HAPLN3: variants seen among roughly 807,000 people sequenced by gnomAD.
HAPLN3 encodes hyaluronan and proteoglycan link protein 3, also known as extracellular link domain containing, 1.
Under a neutral mutation model 28.1 loss-of-function variants are expected in HAPLN3, and 28 were observed. The ratio of observed to expected loss-of-function variants is 1.00; its 90% CI spans 0.74 to 1.37. The LOEUF (loss-of-function observed/expected upper bound fraction) is 1.37, where lower values mean the gene tolerates loss of function less well. Among genes scored for constraint, HAPLN3 ranks in the 40% most tolerant of loss-of-function variants. HAPLN3 has a pLI of 0.00. For missense variants in HAPLN3, 513 were observed against 504.6 expected, an observed-to-expected ratio of 1.02 and a Z score of -0.16; for synonymous variants, 211 against 213.1, an observed-to-expected ratio of 0.99 and a Z score of 0.09.
rs952589058 is a variant in HAPLN3, at chr15:88,880,066, G to A, written c.494-797C>T. 6 of 993,846 alleles carry A rather than the reference G, an allele frequency of 6.0e-6. No individual in the cohort carries two copies. Among genetic ancestry groups the A allele is most frequent in the Non-Finnish European group, 2.4e-6 (2 of 835,438 alleles). 61.6% of individuals were successfully genotyped at this position (993,846 alleles called of 1,614,324 possible). ...GCCCCAAACCTCCGATCTCACCAGG[G>A]CCGGAAGCCAGGCACCTGGGCAAAG... is the stretch of plus-strand genomic sequence containing the variant. On this transcript the variant is annotated intron_variant, in intron 3 of 4. Transcript: ENST00000359595. This position sits in a 1 kb window ranked among gnomAD's most constrained non-coding sequence, Gnocchi z 6.0.
rs766221292 is a variant in HAPLN3 at position 88,879,274 on chromosome 15, A to C, written c.494-5T>G. 6.2e-7 allele frequency: 1 copy of C among 1,605,672 alleles called. No homozygotes were observed. Among genetic ancestry groups the C allele is most frequent in the Non-Finnish European group, 8.5e-7 (1 of 1,176,088 alleles). On this transcript the variant is annotated splice_region_variant and splice_polypyrimidine_tract_variant and intron_variant, in intron 3 of 4. Transcript: ENST00000359595. The surrounding 1 kb of genome is among the most constrained non-coding windows in gnomAD (Gnocchi z 5.0). ...ACTGGTAAGGAAAGACCACACCTGC[A>C]GGGGAAGGAAAGAGGAGCTTAGGGG... is the stretch of plus-strand genomic sequence containing the variant.
chr15:88,879,339 C>T lies in HAPLN3; in HGVS notation c.494-70G>A. 6.3e-7 allele frequency: 1 copy of T among 1,594,436 alleles called. No homozygotes were observed. The highest frequency in any genetic ancestry group is 1.7e-5 in the Admixed American group (1 of 59,028). ...AGCTGGCTGGACACCCCGCTCTCCT[C>T]CCACCTTCACTGGGACATGTGCTGC... On this transcript the variant is annotated intron_variant, in intron 3 of 4. Coordinates refer to ENST00000359595, the MANE Select transcript of HAPLN3 (RefSeq NM_178232.4). The surrounding 1 kb of genome is among the most constrained non-coding windows in gnomAD (Gnocchi z 5.0).
rs1490228633 is a variant in HAPLN3 at position 88,879,240 on chromosome 15, C to A, written c.523G>T (p.Gly175Trp). Residue 175 changes from glycine to tryptophan, a missense_variant, in exon 4 of 5, where the codon GGG becomes TGG. By Grantham distance (184) the Gly-to-Trp change is radical. Coordinates refer to ENST00000359595, the MANE Select transcript of HAPLN3 (RefSeq NM_178232.4). This position sits in a 1 kb window ranked among gnomAD's most constrained non-coding sequence, Gnocchi z 5.0. ...GVVFPYQSPN[G>W]RYQFNFHEGQ... ...TCGTGGAAGTTGAACTGGTAGCGCC[C>A]GTTGGGGGACTGGTAAGGAAAGACC... The A allele has an allele frequency of 6.2e-7, 1 of 1,608,544 alleles. No individual in the cohort carries two copies. Among genetic ancestry groups the A allele is most frequent in the Admixed American group, 1.7e-5 (1 of 59,716 alleles).
Position 88,881,632 on chromosome 15 carries a change from C to A in HAPLN3, c.218G>T (p.Arg73Leu). 3 of 1,613,968 alleles carry A rather than the reference C, an allele frequency of 1.9e-6. No homozygotes were observed. The highest frequency in any genetic ancestry group is 1.7e-5 in the Admixed American group (1 of 60,018). ...GASVILPCRY[R>L]YEPALVSPRR... Reference sequence around the variant, plus strand: ...CGGGGAGACCAGGGCCGGCTCGTAGCGGTAGCGGCAGGGCAGGATCACACT... The same window carrying A: ...CGGGGAGACCAGGGCCGGCTCGTAGAGGTAGCGGCAGGGCAGGATCACACT... Residue 73 changes from arginine to leucine, a missense_variant, in exon 3 of 5, where the codon CGC (arginine) becomes CTC (leucine). Transcript: ENST00000359595. The surrounding 1 kb of genome is among the most constrained non-coding windows in gnomAD (Gnocchi z 6.0).
intron 2 of HAPLN3, among the ~76,000 whole-genome samples, chr15:88,883,004 C>T (rs1464233932): frequency 6.6e-6 from 1 of 151,830 alleles, no homozygotes; most frequent in African/African-American, 2.4e-5. Context: ...GACTCTGTTG[C>T]CAAAAACAAA....
chr15:88,884,790 G>A (rs1897800816), intron 2 of HAPLN3, among the ~76,000 whole-genome samples: 1 of 151,932 alleles, frequency 6.6e-6, no homozygotes, highest in Admixed American at 6.6e-5. Flanking sequence ...TTTAGAGGGA[G>A]GCAGAGGGAG....
intron 1 of HAPLN3, among the ~76,000 whole-genome samples, chr15:88,892,411 C>T (rs145009647): frequency 0.15 from 22,660 of 150,542 alleles, 2,109 homozygotes; most frequent in South Asian, 0.26. Flanking sequence ...GAGCCGAGAT[C>T]ACACCTTTGC....
In HAPLN3 at chr15:88,878,289, G is replaced by A. The variant is rs545921197; in HGVS notation, c.797-33C>T. ...AAAGGGGGCGTGAGTGCCGTACAGC[G>A]CAGGGGGCAGCCAGAGAGCACAGCG... On this transcript the variant is annotated intron_variant, in intron 4 of 4. Coordinates refer to ENST00000359595, the MANE Select transcript of HAPLN3 (RefSeq NM_178232.4). 1.9e-5 allele frequency: 30 copies of A among 1,572,788 alleles called. No individual in the cohort carries two copies. The East Asian group carries it at 2.0e-4, about 11-fold the overall frequency.
intron 2 of HAPLN3, among the ~76,000 whole-genome samples, chr15:88,884,072 CAAA>C (rs529486163): frequency 3.0e-5 from 3 of 100,488 alleles, no homozygotes; most frequent in Admixed American, 2.1e-4. Context: ...GACCCTGTCT[CAAA>C]AAAAAAAAAA....
rs1324869852 is a variant in HAPLN3, at chr15:88,877,440, T to C, written c.*530A>G. The C allele has an allele frequency of 1.3e-5, 2 of 153,116 alleles. No homozygotes were observed. The highest frequency in any genetic ancestry group is 2.9e-5 in the Non-Finnish European group (2 of 68,732). 9.5% of individuals were successfully genotyped at this position (153,116 alleles called of 1,614,324 possible). On this transcript the variant is annotated 3_prime_UTR_variant, in exon 5 of 5. Coordinates refer to ENST00000359595, the MANE Select transcript of HAPLN3 (RefSeq NM_178232.4). This position sits in a 1 kb window ranked among gnomAD's most constrained non-coding sequence, Gnocchi z 5.1. ...GAAGGGGAACGGGGAGGGGAGTTTC[T>C]TCCTTCCCTCAGCTTTCGCCTGGAA...
intron 1 of HAPLN3, among the ~76,000 whole-genome samples, chr15:88,893,693 T>C (rs996977892): frequency 1.3e-5 from 2 of 151,792 alleles, no homozygotes; most frequent in African/African-American, 2.4e-5. Flanking sequence ...TTTGGGAGGC[T>C]GAGGTGGGCA....
rs1222917401 is a variant in HAPLN3 at position 88,881,241 on chromosome 15, G to A, written c.493+116C>T. 2 of 1,352,358 alleles carry A rather than the reference G, an allele frequency of 1.5e-6. No homozygotes were observed. Among genetic ancestry groups the A allele is most frequent in the Admixed American group, 2.3e-5 (1 of 43,804 alleles). 83.8% of individuals were successfully genotyped at this position (1,352,358 alleles called of 1,614,324 possible). On this transcript the variant is annotated intron_variant, in intron 3 of 4. Coordinates refer to ENST00000359595, the MANE Select transcript of HAPLN3 (RefSeq NM_178232.4). This position sits in a 1 kb window ranked among gnomAD's most constrained non-coding sequence, Gnocchi z 6.0. ...CACAACAGTAGCTTCCATGTGGGTTGTTTTGAGAATTAAGTACTTTTAAAT... is the reference window on the plus strand; with the variant it reads ...CACAACAGTAGCTTCCATGTGGGTTATTTTGAGAATTAAGTACTTTTAAAT...
At position 88,895,363 on chromosome 15, in the gene HAPLN3, C is replaced by T. The variant is rs574796571; in HGVS notation, c.-48+96G>A. On this transcript the variant is annotated intron_variant, in intron 1 of 4. Coordinates refer to ENST00000359595, the MANE Select transcript of HAPLN3 (RefSeq NM_178232.4). This position sits in a 1 kb window ranked among gnomAD's most constrained non-coding sequence, Gnocchi z 5.5. Reference sequence around the variant, plus strand: ...TCCTGCCCCTTCCCCGGACCCTGCCCGGGAGGTGTGGGGACCCGCAGGGCA... The same window carrying T: ...TCCTGCCCCTTCCCCGGACCCTGCCTGGGAGGTGTGGGGACCCGCAGGGCA... The T allele has an allele frequency of 6.6e-6, 1 of 152,502 alleles. No homozygotes were observed. The highest frequency in any genetic ancestry group is 2.4e-5 in the African/African-American group (1 of 41,464). The allele number at this position is 152,502 out of a possible 1,614,324, so 9.4% of individuals were successfully genotyped here.
At chr15:88,890,413 G>A (rs1043279306) in intron 1 of HAPLN3, among the ~76,000 whole-genome samples, 1 of 152,196 alleles carries the variant, frequency 6.6e-6, no homozygotes, top group African/African-American at 2.4e-5. Context: ...GGAACTGGAA[G>A]ATCAGAGTTC....
intron 2 of HAPLN3, among the ~76,000 whole-genome samples, chr15:88,882,274 A>G (rs1314582302): frequency 2.0e-5 from 3 of 152,226 alleles, no homozygotes; most frequent in African/African-American, 7.2e-5. Context: ...TGAGCTAAAC[A>G]AATGGCTGTC....
intron 1 of HAPLN3, among the ~76,000 whole-genome samples, chr15:88,893,821 G>A (rs559677927): frequency 5.2e-4 from 79 of 151,680 alleles, no homozygotes; most frequent in African/African-American, 1.7e-3. Flanking sequence ...CCAGCTACTC[G>A]GGAGGCTGAA....
intron 1 of HAPLN3, among the ~76,000 whole-genome samples, chr15:88,889,990 AAGGGAGGG>A (rs551221211): frequency 2.0e-4 from 25 of 126,246 alleles, no homozygotes; most frequent in South Asian, 3.2e-4. Flanking sequence ...GGAAAGAAGG[AAGGGAGGG>A]AGGGAGGGAG....
At chr15:88,889,636 A>G (rs1250655631) in intron 1 of HAPLN3, among the ~76,000 whole-genome samples, 1 of 152,168 alleles carries the variant, frequency 6.6e-6, no homozygotes, top group Non-Finnish European at 1.5e-5. Flanking sequence ...ACACCTGGCC[A>G]GAAGTCTATC....
chr15:88,887,486 G>C (rs544110295), intron 1 of HAPLN3, 141 bp from the exon 2 acceptor site: 5 of 759,808 alleles, frequency 6.6e-6, no homozygotes, highest in Admixed American at 5.5e-5. Context: ...GCTGTTCCCG[G>C]AGCTGAGAAG....
Sources: gnomAD v4.1 joint callset for allele counts (sites outside exome capture counted in the v4.1 genomes callset) on GRCh38, gnomAD v4.1.1 for gene constraint, Gnocchi (gnomAD v3.1) non-coding constraint, MANE v1.5 for transcripts, NCBI Gene and HGNC (gene_info 2026-07-23, HGNC 2026-07-21) for gene names.